The following NHSL1 variants were observed in gnomAD, a reference collection of about 807,000 sequenced individuals.
The protein encoded by NHSL1 is NHS like 1.
NHSL1 carries 48 observed loss-of-function variants against 95.0 expected under a neutral mutation model. The ratio of observed to expected loss-of-function variants is 0.51; its 90% CI spans 0.40 to 0.64. The LOEUF is 0.64. Among genes scored for constraint, NHSL1 ranks in the 30% least tolerant of loss-of-function variants. NHSL1 has a pLI of 0.00. For missense variants in NHSL1, 1,971 were observed against 2,077.7 expected (o/e 0.95, Z 1.00); for synonymous variants, 783 against 833.9 (o/e 0.94, Z 1.05).
Position 138,432,934 on chromosome 6 carries a change from A to G in NHSL1, c.1411T>C (p.Trp471Arg), listed in dbSNP as rs577821768. The G allele has an allele frequency of 5.6e-4, 863 of 1,551,416 alleles. 6 individuals carry two copies. The South Asian group carries it at 9.8e-3, about 18-fold the overall frequency. The change falls in exon 6 of 8, where the codon TGG (tryptophan) becomes CGG (arginine). Residue 471 changes from tryptophan to arginine, a missense_variant. Physicochemically the swap from Trp to Arg is moderately radical, Grantham distance 101 (BLOSUM62 -3). Around this residue, in one of 3 missense-constraint regions of NHSL1, gnomAD observed 1,602 missense variants for 1,654.5 expected, o/e 0.97. Transcript: ENST00000343505. This position sits in a 1 kb window ranked among gnomAD's most constrained non-coding sequence, Gnocchi z 4.4. Reference protein sequence around the residue: ...KGDPQSPGRHWNEGHATILSQ... With the variant: ...KGDPQSPGRHRNEGHATILSQ... ...AGAATGGTGGCATGGCCCTCATTCC[A>G]GTGGCGACCGGGAGACTGAGGATCA... is the stretch of plus-strand genomic sequence containing the variant.
At chr6:138,429,865 T>C (rs2128194478) in intron 6 of NHSL1, 22 bp from the exon 7 acceptor site, 1 of 1,545,704 alleles carries the variant, frequency 6.5e-7, no homozygotes, top group African/African-American at 1.4e-5. Context: ...CAGGCAGGCA[T>C]ACAAGACGCA....
chr6:138,543,603 T>C (rs1275375854), intron 1 of NHSL1, among the ~76,000 whole-genome samples: 1 of 152,138 alleles, frequency 6.6e-6, no homozygotes, highest in Non-Finnish European at 1.5e-5. Flanking sequence ...TCAATGCTAA[T>C]CACAACCACA....
intron 1 of NHSL1, among the ~76,000 whole-genome samples, chr6:138,663,568 A>ATT (rs1172701497): frequency 6.6e-6 from 1 of 151,092 alleles, no homozygotes; most frequent in Non-Finnish European, 1.5e-5. Flanking sequence ...CTCAAAAAAA[A>ATT]AAAAAAAAAA....
intron 1 of NHSL1, among the ~76,000 whole-genome samples, chr6:138,610,108 C>A (rs1784489601): frequency 6.6e-6 from 1 of 152,172 alleles, no homozygotes; most frequent in African/African-American, 2.4e-5. Flanking sequence ...TCCCACAGGG[C>A]CCCACCAATG....
At chr6:138,639,065 T>C (rs1231579744) in intron 1 of NHSL1, among the ~76,000 whole-genome samples, 2 of 152,182 alleles carry the variant, frequency 1.3e-5, no homozygotes, top group Non-Finnish European at 1.5e-5. Flanking sequence ...CATACTTACA[T>C]CAGAATTACT....
chr6:138,670,981 C>A (rs1481530276), intron 1 of NHSL1, among the ~76,000 whole-genome samples: 1 of 151,844 alleles, frequency 6.6e-6, no homozygotes, highest in Non-Finnish European at 1.5e-5. Flanking sequence ...AGACTCCTAC[C>A]TCTACAAAAA....
At chr6:138,489,745 G>C (rs1489080010) in intron 2 of NHSL1, among the ~76,000 whole-genome samples, 4 of 127,296 alleles carry the variant, frequency 3.1e-5, no homozygotes, top group Non-Finnish European at 6.4e-5. Flanking sequence ...CTGGGCAACA[G>C]AGCAAGACCC....
chr6:138,572,378 C>G (rs1783872225), exon 1 of NHSL1: 1 of 154,568 alleles, frequency 6.5e-6, no homozygotes, highest in Admixed American at 6.5e-5. Context: ...GGTGAAGTAA[C>G]TCCTCACCCT....
chr6:138,613,674 T>C lies in NHSL1; in HGVS notation c.96+78802A>G, dbSNP rs565003285. Among the ~76,000 whole-genome samples, 402 of 152,276 alleles carry C rather than the reference T, an allele frequency of 2.6e-3. 3 individuals are homozygous for C. The highest frequency in any genetic ancestry group is 9.2e-3 in the African/African-American group (382 of 41,542). On this transcript the variant is annotated intron_variant, in intron 1 of 3. Transcript: ENST00000491526. ...TTCAGTGCTAGTGGGGCCACCAGAC[T>C]GCCACTGCCTCCAGGTGTTCCCCCA...
chr6:138,541,269 AG>A lies in NHSL1; in HGVS notation c.16+4353del, dbSNP rs1728845781. Among the ~76,000 whole-genome samples, 4 of 152,300 alleles carry A rather than the reference AG, an allele frequency of 2.6e-5. No homozygotes were observed. The South Asian group carries it at 8.3e-4, about 32-fold the overall frequency. On this transcript the variant is annotated intron_variant, in intron 1 of 4. Coordinates refer to the NHSL1 transcript ENST00000342260. ...GTAGTCCCAGCTACTCCGGAGGCTC[AG>A]GCAAGAGAATCACTTGAACCCAGGA...
rs912643517 is a variant in NHSL1 at position 138,652,357 on chromosome 6, C to G, written c.96+40119G>C. On this transcript the variant is annotated intron_variant, in intron 1 of 3. Transcript: ENST00000491526. Reference sequence around the variant, plus strand: ...TCGGGAGGTTGAAGCAGGAGAATCACTTGAACCCGGAGGCAGAGGTTGCGG... The same window carrying G: ...TCGGGAGGTTGAAGCAGGAGAATCAGTTGAACCCGGAGGCAGAGGTTGCGG... Among the ~76,000 whole-genome samples the G allele has an allele frequency of 4.5e-4, 68 of 151,428 alleles. 1 individual carries two copies. The highest frequency in any genetic ancestry group is 1.5e-4 in the Non-Finnish European group (10 of 67,962).
At chr6:138,574,621 G>C (rs1216255944), upstream of NHSL1, among the ~76,000 whole-genome samples, 1 of 148,830 alleles carries the variant, frequency 6.7e-6, no homozygotes, top group Non-Finnish European at 1.5e-5. Flanking sequence ...GAGCTTAGGA[G>C]TTCAAGCTCG....
chr6:138,596,101 A>G (rs927818794), intron 1 of NHSL1, among the ~76,000 whole-genome samples: 8 of 152,194 alleles, frequency 5.3e-5, no homozygotes, highest in Admixed American at 3.3e-4. Flanking sequence ...ATAGAAAGGT[A>G]ATGGTCTGAA....
chr6:138,579,498 A>C (rs1784021010), intron 1 of NHSL1, among the ~76,000 whole-genome samples: 1 of 152,256 alleles, frequency 6.6e-6, no homozygotes, highest in South Asian at 2.1e-4. Context: ...ATACTGTTTC[A>C]CTTTGGGAAG....
intron 2 of NHSL1, among the ~76,000 whole-genome samples, chr6:138,487,997 G>A (rs1489510584): frequency 6.6e-6 from 1 of 152,172 alleles, no homozygotes; most frequent in African/African-American, 2.4e-5. Flanking sequence ...ATCTTAAGTG[G>A]CTGGGCGTGG....
upstream of NHSL1, among the ~76,000 whole-genome samples, chr6:138,503,420 C>T (rs546553769): frequency 7.2e-5 from 11 of 152,184 alleles, no homozygotes; most frequent in East Asian, 3.9e-4. Context: ...TGGCCAAATC[C>T]GGCCATTAAA....
At chr6:138,629,825 C>T (rs755520385) in intron 1 of NHSL1, among the ~76,000 whole-genome samples, 1 of 152,200 alleles carries the variant, frequency 6.6e-6, no homozygotes, top group African/African-American at 2.4e-5. Flanking sequence ...AATAAGCAAA[C>T]ACATAGTAAG....
chr6:138,627,397 A>G (rs1333024471), intron 1 of NHSL1, among the ~76,000 whole-genome samples: 1 of 152,242 alleles, frequency 6.6e-6, no homozygotes, highest in Non-Finnish European at 1.5e-5. Flanking sequence ...TATCCACTGT[A>G]TTAACATTAT....
intron 1 of NHSL1, among the ~76,000 whole-genome samples, chr6:138,651,755 G>A (rs1157737093): frequency 5.9e-5 from 9 of 152,202 alleles, no homozygotes; most frequent in Non-Finnish European, 1.3e-4. Context: ...GCGCTTACAT[G>A]AGCAAAGTTA....
Sources: allele counts gnomAD v4.1 joint callset (sites outside exome capture counted in the v4.1 genomes callset), GRCh38; gene constraint gnomAD v4.1.1; regional missense constraint gnomAD v4.1.1; non-coding constraint Gnocchi (gnomAD v3.1); transcripts MANE v1.5; gene names NCBI Gene and HGNC (gene_info 2026-07-23, HGNC 2026-07-21).